SLC44A5: variants seen among roughly 807,000 people sequenced by gnomAD.
SLC44A5 encodes choline transporter-like protein 5.
Under a neutral mutation model 101.8 loss-of-function variants are expected in SLC44A5, and 57 were observed. The observed-to-expected ratio is 0.56, with a 90% CI of 0.45 to 0.70. SLC44A5 has a LOEUF of 0.70. Among genes scored for constraint, SLC44A5 ranks in the 30% least tolerant of loss-of-function variants. The pLI is 0.00. For missense variants in SLC44A5, 737 were observed against 853.1 expected (o/e 0.86, Z 1.70); for synonymous variants, 281 against 290.9 (o/e 0.97, Z 0.35).
Position 75,227,773 on chromosome 1 carries a change from G to A in SLC44A5, c.938C>T (p.Thr313Ile). Reference protein sequence around the residue: ...VLTIYDIGIQTNISMYFELQQ... With the variant: ...VLTIYDIGIQINISMYFELQQ... ...CAGTTCAAAGTACATGCTTATGTTA[G>A]TCTGAATCCCGATGTCATAGATAGT... The change falls in exon 13 of 24, where the codon ACT (threonine) becomes ATT (isoleucine). Residue 313 changes from threonine to isoleucine, a missense_variant. Physicochemically the swap from Thr to Ile is moderately conservative, Grantham distance 89. This residue lies in a region of SLC44A5 where 665 missense variants were observed against 764.4 expected (regional missense o/e 0.87). Transcript: ENST00000370859. 1 of 1,591,082 alleles carries A rather than the reference G, an allele frequency of 6.3e-7. No homozygotes were observed. Among genetic ancestry groups the A allele is most frequent in the Non-Finnish European group, 8.5e-7 (1 of 1,173,522 alleles).
At chr1:75,339,503 G>C in intron 4 of SLC44A5, 79 bp downstream of exon 4, 1 of 1,158,384 alleles carries the variant, frequency 8.6e-7, no homozygotes. Flanking sequence ...CCACTGACTG[G>C]AAAACAGTAC....
At chr1:75,274,844 C>T in intron 6 of SLC44A5, 114 bp downstream of exon 6, 1 of 826,900 alleles carries the variant, frequency 1.2e-6, no homozygotes, top group Non-Finnish European at 1.9e-6. Context: ...GGAGGGAAGG[C>T]TTCCTTTATG....
chr1:75,592,557 A>G (rs376500071), intron 1 of SLC44A5, among the ~76,000 whole-genome samples: 10 of 152,228 alleles, frequency 6.6e-5, no homozygotes, highest in African/African-American at 2.2e-4. Context: ...AGCAAAAATA[A>G]CAAAACTAGA....
At chr1:75,453,033 A>G (rs1028570504) in intron 2 of SLC44A5, among the ~76,000 whole-genome samples, 1 of 152,154 alleles carries the variant, frequency 6.6e-6, no homozygotes, top group African/African-American at 2.4e-5. Context: ...CACTTCACCA[A>G]TTAGACCTAA....
intron 1 of SLC44A5, among the ~76,000 whole-genome samples, chr1:75,597,468 A>G (rs1274118327): frequency 6.6e-6 from 1 of 152,166 alleles, no homozygotes; most frequent in Non-Finnish European, 1.5e-5. Context: ...ATATAGAACC[A>G]AAAAAGAGCC....
intron 3 of SLC44A5, among the ~76,000 whole-genome samples, chr1:75,385,151 G>C (rs1661214611): frequency 6.7e-6 from 1 of 150,214 alleles, no homozygotes; most frequent in Admixed American, 6.6e-5. Flanking sequence ...AAAAGAACTA[G>C]AAAAGCAAGA....
intron 5 of SLC44A5, among the ~76,000 whole-genome samples, chr1:75,284,432 G>A (rs573569696): frequency 1.1e-4 from 16 of 152,062 alleles, no homozygotes; most frequent in African/African-American, 3.9e-4. Flanking sequence ...GGTTTTCTAG[G>A]TAGACAATCA....
chr1:75,345,790 T>A (rs1009100326), intron 3 of SLC44A5, among the ~76,000 whole-genome samples: 4 of 152,126 alleles, frequency 2.6e-5, no homozygotes, highest in African/African-American at 9.7e-5. Flanking sequence ...GGAGAAGGAC[T>A]TACACCACCC....
intron 1 of SLC44A5, among the ~76,000 whole-genome samples, chr1:75,563,237 CT>C (rs935194820): frequency 2.2e-4 from 33 of 152,168 alleles, no homozygotes; most frequent in African/African-American, 7.9e-4. Context: ...AAATGTAAAA[CT>C]AAATTAAGCA....
chr1:75,302,112 G>T (rs7547061), intron 4 of SLC44A5, among the ~76,000 whole-genome samples: 10,342 of 61,904 alleles, frequency 0.17, 1,835 homozygotes, highest in East Asian at 0.64. Context: ...TAGTTTTTTT[G>T]TTTTTTTTTT....
chr1:75,218,113 A>T (rs183255199), intron 17 of SLC44A5, among the ~76,000 whole-genome samples, 153 bp from the exon 18 acceptor site: 3 of 152,154 alleles, frequency 2.0e-5, no homozygotes, highest in African/African-American at 7.2e-5. Context: ...AAAAGTCTCT[A>T]TAGAGGATTT....
chr1:75,478,935 C>T (rs922414069), intron 2 of SLC44A5, among the ~76,000 whole-genome samples: 1 of 152,216 alleles, frequency 6.6e-6, no homozygotes, highest in African/African-American at 2.4e-5. Context: ...CACCCCAAAT[C>T]AACAGAATAT....
At chr1:75,208,632 C>A (rs1030648098) in intron 23 of SLC44A5, among the ~76,000 whole-genome samples, 1 of 152,088 alleles carries the variant, frequency 6.6e-6, no homozygotes, top group African/African-American at 2.4e-5. Flanking sequence ...TTCCAATTGA[C>A]AGCAATTGGG....
chr1:75,611,850 G>C (rs879508098), upstream of SLC44A5, among the ~76,000 whole-genome samples: 2 of 151,662 alleles, frequency 1.3e-5, no homozygotes, highest in Non-Finnish European at 2.9e-5. Flanking sequence ...TTCTCCTTCT[G>C]TGGACCCCTT....
intron 2 of SLC44A5, among the ~76,000 whole-genome samples, chr1:75,493,019 G>A (rs1668501616): frequency 6.6e-6 from 1 of 152,190 alleles, no homozygotes. Flanking sequence ...AATCCTAGAA[G>A]TGACAAAGAC....
intron 2 of SLC44A5, among the ~76,000 whole-genome samples, chr1:75,423,973 C>T (rs987775094): frequency 1.1e-4 from 16 of 152,166 alleles, no homozygotes; most frequent in Non-Finnish European, 2.9e-5. Context: ...CCTATGCCTC[C>T]GGAGAATTTG....
chr1:75,572,649 A>G (rs931707035), intron 1 of SLC44A5, among the ~76,000 whole-genome samples: 1 of 152,208 alleles, frequency 6.6e-6, no homozygotes, highest in African/African-American at 2.4e-5. Context: ...TTTGTCTTAC[A>G]AAGTGGAGAG....
intron 2 of SLC44A5, among the ~76,000 whole-genome samples, chr1:75,414,306 CAT>C (rs1349448373): frequency 2.6e-4 from 37 of 144,912 alleles, no homozygotes; most frequent in African/African-American, 9.9e-4. Context: ...TACATACATA[CAT>C]ACATACATAT....
At chr1:75,569,864 A>G (rs190190074) in intron 1 of SLC44A5, among the ~76,000 whole-genome samples, 6 of 152,310 alleles carry the variant, frequency 3.9e-5, no homozygotes, top group East Asian at 3.9e-4. Context: ...AGCAATTTAT[A>G]TGAGAGGTAA....
Sources: allele counts gnomAD v4.1 joint callset (sites outside exome capture counted in the v4.1 genomes callset), GRCh38; gene constraint gnomAD v4.1.1; regional missense constraint gnomAD v4.1.1; transcripts MANE v1.5; gene names NCBI Gene and HGNC (gene_info 2026-07-23, HGNC 2026-07-21).